RPTOR: variants seen among roughly 807,000 people sequenced by gnomAD.
RPTOR encodes regulatory associated protein of MTOR complex 1.
A neutral mutation model predicts 169.9 loss-of-function variants in RPTOR; 21 were observed. The observed-to-expected ratio is 0.12, with a 90% CI of 0.09 to 0.18. The LOEUF (loss-of-function observed/expected upper bound fraction) is 0.18. Among genes scored for constraint, RPTOR ranks in the 10% least tolerant of loss-of-function variants. RPTOR has a pLI of 1.00. For synonymous variants in RPTOR, 732 were observed against 753.2 expected (o/e 0.97, Z 0.46); for missense variants, 1,133 against 1,855.9 (o/e 0.61, Z 7.16).
At chr17:80,779,046 T>A (rs1281566655) in intron 6 of RPTOR, among the ~76,000 whole-genome samples, 1 of 152,188 alleles carries the variant, frequency 6.6e-6, no homozygotes, top group East Asian at 1.9e-4. Flanking sequence ...CCTGTCATAG[T>A]CACTGGAGAA....
chr17:80,705,264 G>A (rs2066133954), intron 3 of RPTOR, among the ~76,000 whole-genome samples: 1 of 152,212 alleles, frequency 6.6e-6, no homozygotes, highest in Admixed American at 6.5e-5. Flanking sequence ...TTTATTTTTC[G>A]AGCAGCATTC....
Position 80,820,425 on chromosome 17 carries a change from TCCCGGGCAGCCAC to T in RPTOR, c.891-1772_891-1760del, listed in dbSNP as rs529665217. ...CTCCGTGCTGTTTCCTAGGGCTGTGTCCCGGGCAGCCACCCCTGTTCGCGCTGGCGCTTGAGGG... is the reference window on the plus strand; with the variant it reads ...CTCCGTGCTGTTTCCTAGGGCTGTGTCCCTGTTCGCGCTGGCGCTTGAGGG... On this transcript the variant is annotated intron_variant, in intron 7 of 33. Coordinates refer to ENST00000306801, the MANE Select transcript of RPTOR (RefSeq NM_020761.3). The surrounding 1 kb of genome is among the most constrained non-coding windows in gnomAD (Gnocchi z 4.1). Among the ~76,000 whole-genome samples, 1 of 152,282 alleles carries T rather than the reference TCCCGGGCAGCCAC, an allele frequency of 6.6e-6. No homozygotes were observed. Among genetic ancestry groups the T allele is most frequent in the Non-Finnish European group, 1.5e-5 (1 of 68,012 alleles).
At chr17:80,618,004 G>A (rs1023346359) in intron 1 of RPTOR, among the ~76,000 whole-genome samples, 8 of 143,990 alleles carry the variant, frequency 5.6e-5, no homozygotes, top group Admixed American at 6.7e-5. Flanking sequence ...TTTTTAAGAC[G>A]GGGTCTTGCT....
At chr17:80,809,815 GATCACA>G (rs1328534419) in intron 7 of RPTOR, among the ~76,000 whole-genome samples, 2 of 152,098 alleles carry the variant, frequency 1.3e-5, no homozygotes, top group Non-Finnish European at 2.9e-5. Flanking sequence ...GAGGTGGGCA[GATCACA>G]AGGTCAGGAG....
intron 7 of RPTOR, among the ~76,000 whole-genome samples, chr17:80,821,515 AC>A (rs568413697): frequency 1.4e-4 from 21 of 152,204 alleles, no homozygotes; most frequent in South Asian, 1.2e-3. Flanking sequence ...TTCTGTCCTC[AC>A]GGCTGAGGAG....
At chr17:80,589,280 A>G (rs2065085879) in intron 1 of RPTOR, among the ~76,000 whole-genome samples, 2 of 151,978 alleles carry the variant, frequency 1.3e-5, no homozygotes. Flanking sequence ...CTAAGGGCTG[A>G]GACGCGCCTG....
chr17:80,642,348 C>T (rs142772278), intron 2 of RPTOR, among the ~76,000 whole-genome samples: 68 of 152,176 alleles, frequency 4.5e-4, no homozygotes, highest in African/African-American at 1.5e-3. Flanking sequence ...TCTCAAACTC[C>T]TGACCCCAGG....
At position 80,891,845 on chromosome 17, in the gene RPTOR, G is replaced by A. The variant is rs17848649; in HGVS notation, c.2101+8G>A. ...CTTCTCCAGCAACCACAGGTATGGCGTCTTCTCCTGTGAACCCGCAGAGCA... is the reference window on the plus strand; with the variant it reads ...CTTCTCCAGCAACCACAGGTATGGCATCTTCTCCTGTGAACCCGCAGAGCA... On this transcript the variant is annotated splice_region_variant and intron_variant, in intron 18 of 33. Coordinates refer to ENST00000306801, the MANE Select transcript of RPTOR (RefSeq NM_020761.3). The A allele has an allele frequency of 1.0e-4, 164 of 1,584,448 alleles. No homozygotes were observed. In the East Asian group the frequency reaches 3.5e-3, roughly 33 times the overall value.
intron 1 of RPTOR, among the ~76,000 whole-genome samples, chr17:80,551,465 C>G (rs866432191): frequency 6.6e-6 from 1 of 151,910 alleles, no homozygotes; most frequent in Non-Finnish European, 1.5e-5. Context: ...CAGACAAACA[C>G]GTGAACAAGG....
intron 4 of RPTOR, among the ~76,000 whole-genome samples, chr17:80,727,923 G>A (rs977096322): frequency 6.6e-6 from 1 of 152,148 alleles, no homozygotes; most frequent in African/African-American, 2.4e-5. Context: ...CACCATTGAT[G>A]GATGAGTGCC....
intron 11 of RPTOR, among the ~76,000 whole-genome samples, chr17:80,854,028 G>A (rs1405844209): frequency 2.6e-5 from 4 of 151,824 alleles, no homozygotes; most frequent in African/African-American, 9.7e-5. Flanking sequence ...AAAAGTATGT[G>A]CAAAACCTCT....
At chr17:80,914,876 C>T (rs2068654513) in intron 21 of RPTOR, among the ~76,000 whole-genome samples, 1 of 152,256 alleles carries the variant, frequency 6.6e-6, no homozygotes, top group Non-Finnish European at 1.5e-5. Context: ...ACCTTCAAGC[C>T]AGGGACAGCC....
chr17:80,770,705 A>C (rs1598293638), intron 6 of RPTOR, among the ~76,000 whole-genome samples: 1 of 152,128 alleles, frequency 6.6e-6, no homozygotes, highest in Non-Finnish European at 1.5e-5. Flanking sequence ...AGCACCTTCA[A>C]CCTGCAATTC....
At chr17:80,909,745 A>G (rs2068589662) in intron 21 of RPTOR, 2 of 152,184 alleles carry the variant, frequency 1.3e-5, no homozygotes, top group Non-Finnish European at 2.9e-5. Context: ...ATTCATGGCC[A>G]TTCTAGCTCA....
chr17:80,634,610 T>TGTGCGC (rs528181933), intron 2 of RPTOR, among the ~76,000 whole-genome samples: 1 of 16,188 alleles, frequency 6.2e-5, no homozygotes, highest in African/African-American at 3.4e-4. Context: ...GTACTGTGTG[T>TGTGCGC]GTACTGTGTG....
chr17:80,885,058 A>G lies in RPTOR; in HGVS notation c.1893A>G (p.Ala631=). ...TTGGCACGTTCGTGGGCAACTCTGCAGAGAGGACGGACCACTCCACCACCA... is the reference window on the plus strand; with the variant it reads ...TTGGCACGTTCGTGGGCAACTCTGCGGAGAGGACGGACCACTCCACCACCA... The part of the protein sequence containing the change: ...FALGTFVGNS[A]ERTDHSTTID... The change falls in exon 17 of 34, where the codon GCA becomes GCG. Residue 631 remains alanine (A), a synonymous_variant. Transcript: ENST00000306801. 1 of 1,608,626 alleles carries G rather than the reference A, an allele frequency of 6.2e-7. No homozygotes were observed. The highest frequency in any genetic ancestry group is 1.7e-4 in the Middle Eastern group (1 of 6,060).
At chr17:80,944,072 A>T (rs1241914863) in intron 25 of RPTOR, among the ~76,000 whole-genome samples, 1 of 152,166 alleles carries the variant, frequency 6.6e-6, no homozygotes, top group African/African-American at 2.4e-5. Context: ...CGCCCTCTGC[A>T]TTTTTAGCTT....
rs544152263 is a variant in RPTOR at position 80,659,996 on chromosome 17, C to G, written c.348+16186C>G. 6.6e-6 allele frequency among the ~76,000 whole-genome samples: 1 copy of G among 150,728 alleles called. No individual in the cohort carries two copies. Among genetic ancestry groups the G allele is most frequent in the African/African-American group, 2.4e-5 (1 of 41,098 alleles). ...ATATAAGAATTTAAATGAGGCCGGG[C>G]GTGGTGGCTCATGCCTGTAATCCCA... On this transcript the variant is annotated intron_variant, in intron 3 of 33. Transcript: ENST00000306801. This position sits in a 1 kb window ranked among gnomAD's most constrained non-coding sequence, Gnocchi z 4.3.
At chr17:80,563,888 CT>C (rs1450849144) in intron 1 of RPTOR, among the ~76,000 whole-genome samples, 2 of 152,124 alleles carry the variant, frequency 1.3e-5, no homozygotes, top group African/African-American at 4.8e-5. Flanking sequence ...TGTGACCTTA[CT>C]TTTGCTTTTG....
Sources: gnomAD v4.1 joint callset for allele counts (sites outside exome capture counted in the v4.1 genomes callset) on GRCh38, gnomAD v4.1.1 for gene constraint, Gnocchi (gnomAD v3.1) non-coding constraint, MANE v1.5 for transcripts, NCBI Gene and HGNC (gene_info 2026-07-23, HGNC 2026-07-21) for gene names.